Variants in EPS15 observed in about 807,000 individuals in gnomAD.
EPS15 encodes the protein epidermal growth factor receptor pathway substrate 15, also known as epidermal growth factor receptor substrate 15.
Under a neutral mutation model 113.8 loss-of-function variants are expected in EPS15, and 72 were observed. That is an observed-to-expected ratio of 0.63 (90% CI 0.52 to 0.77). EPS15 has a LOEUF of 0.77. EPS15 is among the 30% of genes least tolerant of loss of function. The pLI is 0.00. For synonymous variants in EPS15, 344 were observed against 363.4 expected, an observed-to-expected ratio of 0.95 and a Z score of 0.61; for missense variants, 1,048 against 1,045.8, an observed-to-expected ratio of 1.00 and a Z score of -0.03.
intron 17 of EPS15, 144 bp downstream of exon 17, chr1:51,403,275 T>C (rs994483905): frequency 6.0e-5 from 26 of 433,222 alleles, no homozygotes; most frequent in African/African-American, 5.1e-4. Context: ...ATGGCTATAT[T>C]GCCTAAAGGT....
rs533493738 is a variant in EPS15, at chr1:51,409,489, G to A, written c.1275+46C>T. 2.6e-6 allele frequency: 4 copies of A among 1,531,692 alleles called. No homozygotes were observed. The African/African-American group carries it at 5.6e-5, about 21-fold the overall frequency. 94.9% of individuals were successfully genotyped at this position (1,531,692 alleles called of 1,614,324 possible). A position where few individuals can be genotyped will look rare whatever the true frequency, so the allele number is the denominator to read the frequency against. On this transcript the variant is annotated intron_variant, in intron 14 of 24. Transcript: ENST00000371733. ...ATGTTTTCATCTTAAGCCAGGAAAA[G>A]CAACTAATGTATAGGTGCAGGCAGC... is the stretch of plus-strand genomic sequence containing the variant.
At chr1:51,412,432 CAATT>C (rs1283084844) in intron 13 of EPS15, among the ~76,000 whole-genome samples, 6 of 152,114 alleles carry the variant, frequency 3.9e-5, no homozygotes, top group South Asian at 2.1e-4. Flanking sequence ...AAATGTTTAT[CAATT>C]ATTTACTATA....
At chr1:51,428,672 C>T (rs902775910) in intron 12 of EPS15, among the ~76,000 whole-genome samples, 2 of 151,650 alleles carry the variant, frequency 1.3e-5, no homozygotes, top group African/African-American at 4.8e-5. Context: ...ACTAAAAATA[C>T]AAAAATTAGC....
intron 20 of EPS15, 51 bp from the exon 21 acceptor site, chr1:51,394,498 G>T: frequency 3.6e-6 from 4 of 1,111,666 alleles, no homozygotes; most frequent in Non-Finnish European, 4.0e-6. Context: ...CTTCACAGCT[G>T]AAACCTCATC....
chr1:51,492,688 T>A (rs1343975365), intron 1 of EPS15, among the ~76,000 whole-genome samples: 2 of 152,040 alleles, frequency 1.3e-5, no homozygotes, highest in African/African-American at 2.4e-5. Context: ...TATACATCAT[T>A]CTAGGTAGGC....
chr1:51,410,616 C>T (rs903780552), intron 13 of EPS15, among the ~76,000 whole-genome samples: 61 of 152,232 alleles, frequency 4.0e-4, no homozygotes, highest in African/African-American at 1.4e-3. Flanking sequence ...GGCGCAGTGG[C>T]TCAGGGATTA....
At chr1:51,456,371 C>T (rs929354920) in intron 8 of EPS15, among the ~76,000 whole-genome samples, 4 of 151,950 alleles carry the variant, frequency 2.6e-5, no homozygotes, top group Non-Finnish European at 4.4e-5. Flanking sequence ...GTCTTTAAAA[C>T]AAACAAACAA....
At chr1:51,470,743 A>C (rs1287448928) in intron 4 of EPS15, among the ~76,000 whole-genome samples, 1 of 152,104 alleles carries the variant, frequency 6.6e-6, no homozygotes, top group Non-Finnish European at 1.5e-5. Flanking sequence ...TACTAAGGCA[A>C]CTCAAACTCA....
rs776182608 is a variant in EPS15 at position 51,356,612 on chromosome 1, C to T, written c.*88G>A. The T allele has an allele frequency of 8.8e-7, 1 of 1,138,526 alleles. No homozygotes were observed. The highest frequency in any genetic ancestry group is 1.2e-6 in the Non-Finnish European group (1 of 820,710). The allele number at this position is 1,138,526 out of a possible 1,614,324, so 70.5% of individuals were successfully genotyped here. A position where few individuals can be genotyped will look rare whatever the true frequency, so the allele number is the denominator to read the frequency against. On this transcript the variant is annotated 3_prime_UTR_variant, in exon 25 of 25. Coordinates refer to ENST00000371733, the MANE Select transcript of EPS15 (RefSeq NM_001981.3). ...ATCTCAAACCTTTTGTATTCCCATGCTCACAGGTAGTTTTGATACACATTG... is the reference window on the plus strand; with the variant it reads ...ATCTCAAACCTTTTGTATTCCCATGTTCACAGGTAGTTTTGATACACATTG...
chr1:51,399,216 A>G (rs1032471205), intron 19 of EPS15, 51 bp from the exon 20 acceptor site: 9 of 1,568,382 alleles, frequency 5.7e-6, no homozygotes, highest in Non-Finnish European at 7.9e-6. Context: ...TATTGCACTA[A>G]ATTTCCCATC....
chr1:51,384,099 T>C (rs1350427734), intron 21 of EPS15, among the ~76,000 whole-genome samples: 1 of 152,002 alleles, frequency 6.6e-6, no homozygotes, highest in Non-Finnish European at 1.5e-5. Context: ...TGGAAAGACA[T>C]CCCATGTTCA....
chr1:51,402,752 G>A (rs1045810067), intron 17 of EPS15, among the ~76,000 whole-genome samples: 2 of 151,930 alleles, frequency 1.3e-5, no homozygotes, highest in Admixed American at 6.6e-5. Context: ...GTGAAACCCC[G>A]TCTCTACCAA....
chr1:51,482,340 G>A (rs1054648618), intron 1 of EPS15, among the ~76,000 whole-genome samples: 3 of 152,132 alleles, frequency 2.0e-5, no homozygotes, highest in Non-Finnish European at 4.4e-5. Flanking sequence ...ATAGCAGTAT[G>A]CACAAAGGCA....
Position 51,354,794 on chromosome 1 carries a change from T to C in EPS15, c.*1906A>G. The C allele has an allele frequency of 5.1e-6, 1 of 195,016 alleles. No individual in the cohort carries two copies. Among genetic ancestry groups the C allele is most frequent in the Non-Finnish European group, 1.1e-5 (1 of 93,288 alleles). The allele number at this position is 195,016 out of a possible 1,614,324, so 12.1% of individuals were successfully genotyped here. A position where few individuals can be genotyped will look rare whatever the true frequency, so the allele number is the denominator to read the frequency against. Reference sequence around the variant, plus strand: ...AAAATCTATGTAATCCAGTTAAACATACATAAGATTAGGATACATTTATTA... The same window carrying C: ...AAAATCTATGTAATCCAGTTAAACACACATAAGATTAGGATACATTTATTA... On this transcript the variant is annotated 3_prime_UTR_variant, in exon 25 of 25. Coordinates refer to ENST00000371733, the MANE Select transcript of EPS15 (RefSeq NM_001981.3).
chr1:51,357,484 T>G (rs762553946), intron 24 of EPS15, among the ~76,000 whole-genome samples: 2 of 131,970 alleles, frequency 1.5e-5, no homozygotes, highest in Non-Finnish European at 3.1e-5. Flanking sequence ...AAAGTAGAAA[T>G]GCTTATAGTA....
intron 12 of EPS15, among the ~76,000 whole-genome samples, chr1:51,437,092 A>T (rs911509457): frequency 6.6e-6 from 1 of 152,302 alleles, no homozygotes; most frequent in East Asian, 1.9e-4. Flanking sequence ...ACAGAAAAAA[A>T]TTTTAAAATA....
At chr1:51,493,286 G>A (rs1368388500) in intron 1 of EPS15, among the ~76,000 whole-genome samples, 12 of 138,154 alleles carry the variant, frequency 8.7e-5, no homozygotes, top group East Asian at 2.2e-4. Context: ...GCGTGAACCC[G>A]GGAGGCGGAG....
chr1:51,417,742 C>G lies in EPS15; in HGVS notation c.1113+4044G>C, dbSNP rs1239449296. ...AAGGCATGAGTGGAATTCACATAAG[C>G]AGGAAAGTAGAGAACATTCTGGACT... On this transcript the variant is annotated intron_variant, in intron 13 of 24. Coordinates refer to ENST00000371733, the MANE Select transcript of EPS15 (RefSeq NM_001981.3). 3.9e-5 allele frequency among the ~76,000 whole-genome samples: 6 copies of G among 152,078 alleles called. No individual in the cohort carries two copies. In the South Asian group the frequency reaches 1.0e-3, roughly 26 times the overall value.
chr1:51,394,357 G>C, intron 21 of EPS15, 24 bp downstream of exon 21: 1 of 1,494,018 alleles, frequency 6.7e-7, no homozygotes, highest in Non-Finnish European at 9.2e-7. Context: ...AATGTTCAAT[G>C]AAGTTGATAA....
Sources: gnomAD v4.1 joint callset for allele counts (sites outside exome capture counted in the v4.1 genomes callset) on GRCh38, gnomAD v4.1.1 for gene constraint, MANE v1.5 for transcripts, NCBI Gene and HGNC (gene_info 2026-07-23, HGNC 2026-07-21) for gene names.